Variants in PTPRG observed in about 807,000 individuals in gnomAD.
The protein encoded by PTPRG is protein tyrosine phosphatase receptor type G.
PTPRG carries 102 observed loss-of-function variants against 165.3 expected under a neutral mutation model. The ratio of observed to expected loss-of-function variants is 0.62; its 90% CI spans 0.53 to 0.73. The LOEUF is 0.73. PTPRG is among the 30% of genes least tolerant of loss of function. PTPRG has a pLI of 0.00. For synonymous variants in PTPRG, 675 were observed against 669.5 expected (o/e 1.01, Z -0.13); for missense variants, 1,866 against 1,861.4 (o/e 1.00, Z -0.05).
At chr3:61,900,843 G>T (rs371997639) in intron 2 of PTPRG, among the ~76,000 whole-genome samples, 13 of 152,250 alleles carry the variant, frequency 8.5e-5, no homozygotes, top group African/African-American at 3.1e-4. Flanking sequence ...GCTCTGGAGT[G>T]TCACCAGCCA....
At position 61,918,953 on chromosome 3, in the gene PTPRG, G is replaced by C. The variant is rs76425000; in HGVS notation, c.191-70672G>C. On this transcript the variant is annotated intron_variant, in intron 2 of 29. Transcript: ENST00000474889. Reference sequence around the variant, plus strand: ...TATCCCTTTGTAAATGCTGTTAAAGGCTTCTTGAGGAGAATTCGGTGGTTG... The same window carrying C: ...TATCCCTTTGTAAATGCTGTTAAAGCCTTCTTGAGGAGAATTCGGTGGTTG... 9.2e-5 allele frequency among the ~76,000 whole-genome samples: 14 copies of C among 152,274 alleles called. No individual in the cohort carries two copies. The East Asian group carries it at 1.4e-3, about 15-fold the overall frequency.
intron 14 of PTPRG, among the ~76,000 whole-genome samples, chr3:62,238,535 G>C (rs913491764): frequency 1.3e-5 from 2 of 152,080 alleles, no homozygotes; most frequent in Non-Finnish European, 2.9e-5. Context: ...CACAAGGGTG[G>C]ACTCTCAGGA....
chr3:61,602,833 A>G (rs1290156244), intron 1 of PTPRG, among the ~76,000 whole-genome samples: 1 of 152,204 alleles, frequency 6.6e-6, no homozygotes, highest in Non-Finnish European at 1.5e-5. Flanking sequence ...AGAGCCAATT[A>G]TTAAACACAG....
intron 2 of PTPRG, among the ~76,000 whole-genome samples, chr3:61,781,737 CT>C (rs983774137): frequency 1.3e-5 from 2 of 151,694 alleles, no homozygotes; most frequent in Middle Eastern, 3.4e-3. Context: ...ATTAATTTCT[CT>C]TTTTTTTGAG....
At position 62,245,398 on chromosome 3, in the gene PTPRG, C is replaced by A. The variant is rs184463569; in HGVS notation, c.2467+1500C>A. On this transcript the variant is annotated intron_variant, in intron 15 of 29. Coordinates refer to ENST00000474889, the MANE Select transcript of PTPRG (RefSeq NM_002841.4). This position sits in a 1 kb window ranked among gnomAD's most constrained non-coding sequence, Gnocchi z 4.2. ...ATATGTGTTGACCACTGGAAAATTC[C>A]TGGCAGCCTTTCTCCCCTCTGACCT... 2.4e-4 allele frequency among the ~76,000 whole-genome samples: 36 copies of A among 152,300 alleles called. 1 individual carries two copies. In the East Asian group the frequency reaches 4.4e-3, roughly 19 times the overall value.
chr3:61,856,068 G>A (rs1023490432), intron 2 of PTPRG, among the ~76,000 whole-genome samples: 6 of 152,134 alleles, frequency 3.9e-5, no homozygotes, highest in Admixed American at 3.9e-4. Context: ...ATGGGTGGGT[G>A]CTAGTGACAG....
chr3:61,923,438 G>A (rs908614306), intron 2 of PTPRG, among the ~76,000 whole-genome samples: 4 of 151,382 alleles, frequency 2.6e-5, no homozygotes, highest in African/African-American at 9.7e-5. Context: ...TCAAGTTTTA[G>A]GGTACATGTG....
intron 2 of PTPRG, among the ~76,000 whole-genome samples, chr3:61,783,338 C>CAA (rs1447711432): frequency 6.6e-6 from 1 of 151,752 alleles, no homozygotes; most frequent in African/African-American, 2.4e-5. Context: ...AGACCCGTGT[C>CAA]AAAAGAAAAA....
chr3:62,058,574 T>C (rs1394158205), intron 4 of PTPRG, among the ~76,000 whole-genome samples: 1 of 152,130 alleles, frequency 6.6e-6, no homozygotes, highest in Non-Finnish European at 1.5e-5. Flanking sequence ...CTATGGATAC[T>C]GCCAAGCTTC....
intron 1 of PTPRG, among the ~76,000 whole-genome samples, chr3:61,682,167 A>AAAAAAAGAAAAG (rs61686807): frequency 6.6e-6 from 1 of 151,086 alleles, no homozygotes. Context: ...AAAAAAAAAA[A>AAAAAAAGAAAAG]GTGAACTGGT....
chr3:62,187,637 C>G (rs1449212282), intron 8 of PTPRG, among the ~76,000 whole-genome samples: 1 of 152,242 alleles, frequency 6.6e-6, no homozygotes. Context: ...AAAATATTTA[C>G]TATCTGGCCC....
intron 5 of PTPRG, among the ~76,000 whole-genome samples, chr3:62,088,079 A>G (rs1014495223): frequency 1.2e-4 from 18 of 152,182 alleles, no homozygotes; most frequent in African/African-American, 4.1e-4. Context: ...TAACCTTTTA[A>G]TGGCAGCAGT....
At chr3:62,050,363 AT>A (rs1396043500) in intron 4 of PTPRG, among the ~76,000 whole-genome samples, 2 of 152,214 alleles carry the variant, frequency 1.3e-5, no homozygotes, top group African/African-American at 4.8e-5. Flanking sequence ...AGTTTTACAG[AT>A]TTGTAGCCTA....
chr3:61,764,273 C>T (rs1220898017), intron 2 of PTPRG, among the ~76,000 whole-genome samples: 3 of 152,048 alleles, frequency 2.0e-5, no homozygotes, highest in African/African-American at 7.2e-5. Flanking sequence ...TGGAGAAATA[C>T]AGTGAGTGGA....
At chr3:62,238,472 AAT>A (rs1392531588) in intron 14 of PTPRG, among the ~76,000 whole-genome samples, 3 of 152,140 alleles carry the variant, frequency 2.0e-5, no homozygotes, top group Non-Finnish European at 1.5e-5. Flanking sequence ...TGACAACTTC[AAT>A]GCCTTCATAG....
At chr3:61,969,322 G>A (rs2040336789) in intron 2 of PTPRG, among the ~76,000 whole-genome samples, 1 of 152,176 alleles carries the variant, frequency 6.6e-6, no homozygotes, top group Non-Finnish European at 1.5e-5. Context: ...GTCTGGGGTA[G>A]AGGGAACCTT....
At chr3:61,877,331 G>A (rs561168989) in intron 2 of PTPRG, among the ~76,000 whole-genome samples, 1 of 152,278 alleles carries the variant, frequency 6.6e-6, no homozygotes, top group South Asian at 2.1e-4. Context: ...GCATTGGAGA[G>A]ATGTTTGAGA....
At position 62,103,809 on chromosome 3, in the gene PTPRG, G is replaced by T. The variant is rs148489376; in HGVS notation, c.615+25551G>T. ...TAGCCTAGAAACTCCACCAGCTGAG[G>T]AGTTGTTTCGTGGTCTCAACAGCTT... On this transcript the variant is annotated intron_variant, in intron 5 of 29. Coordinates refer to ENST00000474889, the MANE Select transcript of PTPRG (RefSeq NM_002841.4). 1.5e-3 allele frequency among the ~76,000 whole-genome samples: 229 copies of T among 152,312 alleles called. 3 individuals carry two copies. Among genetic ancestry groups the T allele is most frequent in the South Asian group, 0.012 (56 of 4,820 alleles).
intron 2 of PTPRG, among the ~76,000 whole-genome samples, chr3:61,810,495 C>A (rs576226318): frequency 6.6e-6 from 1 of 152,122 alleles, no homozygotes; most frequent in Non-Finnish European, 1.5e-5. Flanking sequence ...AACGACAGTG[C>A]GAAGGGATAC....
Sources: allele counts gnomAD v4.1 joint callset (sites outside exome capture counted in the v4.1 genomes callset), GRCh38; gene constraint gnomAD v4.1.1; non-coding constraint Gnocchi (gnomAD v3.1); transcripts MANE v1.5; gene names NCBI Gene and HGNC (gene_info 2026-07-23, HGNC 2026-07-21).